The following MECOM variants were observed in gnomAD, a reference collection of about 807,000 sequenced individuals.
The protein encoded by MECOM is histone-lysine N-methyltransferase MECOM.
Under a neutral mutation model 116.3 loss-of-function variants are expected in MECOM, and 13 were observed. The observed-to-expected ratio is 0.11, with a 90% CI of 0.07 to 0.18. The LOEUF (loss-of-function observed/expected upper bound fraction) is 0.18. Among genes scored for constraint, MECOM ranks in the 10% least tolerant of loss-of-function variants. The pLI, the probability that MECOM is intolerant of heterozygous loss-of-function variation, is 1.00. For missense variants in MECOM, 1,299 were observed against 1,509.0 expected (o/e 0.86, Z 2.31); for synonymous variants, 528 against 535.2 (o/e 0.99, Z 0.19).
chr3:169,493,467 A>C (rs554295598), intron 1 of MECOM, among the ~76,000 whole-genome samples: 1 of 152,222 alleles, frequency 6.6e-6, no homozygotes, highest in South Asian at 2.1e-4. Context: ...TTCCCTTAGA[A>C]TCTAACGAGG....
At chr3:169,132,145 C>A (rs1734919290) in intron 3 of MECOM, among the ~76,000 whole-genome samples, 1 of 152,238 alleles carries the variant, frequency 6.6e-6, no homozygotes. Context: ...GATCCTCTCT[C>A]TTTGAAAGTA....
intron 1 of MECOM, among the ~76,000 whole-genome samples, chr3:169,450,070 T>G (rs1333014994): frequency 6.6e-6 from 1 of 152,210 alleles, no homozygotes; most frequent in East Asian, 1.9e-4. Context: ...AGCTTCTTAC[T>G]CTGTCTAGGG....
intron 2 of MECOM, among the ~76,000 whole-genome samples, chr3:169,242,173 C>A (rs891431217): frequency 1.3e-5 from 2 of 152,134 alleles, no homozygotes; most frequent in Non-Finnish European, 2.9e-5. Flanking sequence ...AAATGGTAGA[C>A]CACGAGAGGA....
At chr3:169,130,465 G>A (rs1220642244) in intron 4 of MECOM, among the ~76,000 whole-genome samples, 16 of 49,740 alleles carry the variant, frequency 3.2e-4, no homozygotes, top group Admixed American at 1.6e-3. Context: ...CCCCGCCCCC[G>A]CCGCCAGCCC....
chr3:169,565,184 C>G (rs1763085497), intron 1 of MECOM, among the ~76,000 whole-genome samples: 1 of 152,124 alleles, frequency 6.6e-6, no homozygotes, highest in South Asian at 2.1e-4. Flanking sequence ...GAGGGGAGAA[C>G]TACCTTCCAA....
intron 2 of MECOM, among the ~76,000 whole-genome samples, chr3:169,318,018 T>C (rs910680221): frequency 3.3e-5 from 5 of 152,016 alleles, no homozygotes; most frequent in Admixed American, 6.6e-5. Context: ...AAACAAGCAA[T>C]AGGGAAGGAT....
intron 13 of MECOM, among the ~76,000 whole-genome samples, chr3:169,093,331 C>T (rs1398705752): frequency 2.6e-5 from 4 of 152,106 alleles, no homozygotes; most frequent in East Asian, 1.9e-4. Context: ...AGTACAGTCT[C>T]GCAAAGAAGG....
chr3:169,098,440 T>A (rs1437008606), intron 12 of MECOM, among the ~76,000 whole-genome samples: 1 of 152,200 alleles, frequency 6.6e-6, no homozygotes, highest in East Asian at 1.9e-4. Context: ...AGTGAGGTTA[T>A]AAATTTTGGG....
At chr3:169,454,101 G>C (rs543079527) in intron 1 of MECOM, among the ~76,000 whole-genome samples, 2 of 152,150 alleles carry the variant, frequency 1.3e-5, no homozygotes, top group African/African-American at 4.8e-5. Context: ...GGCTCATGAG[G>C]AATAATATTA....
chr3:169,510,820 A>AG (rs1370541508), intron 1 of MECOM, among the ~76,000 whole-genome samples: 1 of 152,114 alleles, frequency 6.6e-6, no homozygotes, highest in African/African-American at 2.4e-5. Flanking sequence ...TGGCAGGGAG[A>AG]GGGGGGCAAA....
At chr3:169,189,786 C>G (rs769011201) in intron 2 of MECOM, among the ~76,000 whole-genome samples, 1 of 152,004 alleles carries the variant, frequency 6.6e-6, no homozygotes, top group Non-Finnish European at 1.5e-5. Flanking sequence ...TCTTTCACTC[C>G]GACAGGAATC....
intron 2 of MECOM, among the ~76,000 whole-genome samples, chr3:169,313,602 T>C (rs1719196168): frequency 6.6e-6 from 1 of 152,202 alleles, no homozygotes; most frequent in Admixed American, 6.5e-5. Flanking sequence ...AGGGGACAGA[T>C]ACAGGAGGCT....
At chr3:169,102,351 G>A (rs984699020) in intron 10 of MECOM, 125 bp from the exon 11 acceptor site, 1 of 706,342 alleles carries the variant, frequency 1.4e-6, no homozygotes, top group South Asian at 2.9e-5. Flanking sequence ...GAAAGAGACT[G>A]TAGTATCCCA....
intron 1 of MECOM, among the ~76,000 whole-genome samples, chr3:169,548,787 T>C (rs1441288845): frequency 1.3e-5 from 2 of 152,206 alleles, no homozygotes; most frequent in African/African-American, 2.4e-5. Flanking sequence ...AAGCTCTGTT[T>C]TATTCTGTGC....
At chr3:169,199,865 G>C (rs1186071547) in intron 2 of MECOM, among the ~76,000 whole-genome samples, 3 of 152,070 alleles carry the variant, frequency 2.0e-5, no homozygotes, top group African/African-American at 7.2e-5. Context: ...AAGGTTAGCT[G>C]TGAGCCATGG....
chr3:169,482,623 C>T (rs1443053923), intron 1 of MECOM, among the ~76,000 whole-genome samples: 2 of 152,128 alleles, frequency 1.3e-5, no homozygotes, highest in East Asian at 3.9e-4. Flanking sequence ...CGTGAGCCAC[C>T]GCGCCCGGCA....
chr3:169,230,029 C>G (rs1753183335), intron 2 of MECOM, among the ~76,000 whole-genome samples: 1 of 152,202 alleles, frequency 6.6e-6, no homozygotes, highest in South Asian at 2.1e-4. Flanking sequence ...AGGAAGAATA[C>G]TTCAGGGGGC....
chr3:169,136,083 C>T (rs1442015854), intron 3 of MECOM, among the ~76,000 whole-genome samples: 1 of 151,554 alleles, frequency 6.6e-6, no homozygotes, highest in African/African-American at 2.4e-5. Flanking sequence ...TTTAATCAAA[C>T]CCTGAAAGCA....
chr3:169,528,715 A>G (rs1758233751), intron 1 of MECOM, among the ~76,000 whole-genome samples: 1 of 152,218 alleles, frequency 6.6e-6, no homozygotes, highest in African/African-American at 2.4e-5. Flanking sequence ...AAACTCTCCT[A>G]TTATTAAAAA....
Sources: gnomAD v4.1 joint callset for allele counts (sites outside exome capture counted in the v4.1 genomes callset) on GRCh38, gnomAD v4.1.1 for gene constraint, MANE v1.5 for transcripts, NCBI Gene and HGNC (gene_info 2026-07-23, HGNC 2026-07-21) for gene names.